Variants in NLRP11 observed in about 807,000 individuals in gnomAD.
The protein encoded by NLRP11 is NLR family pyrin domain containing 11, also known as NACHT, LRR and PYD domains-containing protein 11.
Under a neutral mutation model 79.3 loss-of-function variants are expected in NLRP11, and 53 were observed. The observed-to-expected ratio is 0.67, with a 90% CI of 0.54 to 0.84. NLRP11 has a LOEUF of 0.84. Among genes scored for constraint, NLRP11 ranks in the 40% least tolerant of loss-of-function variants. The pLI is 0.00. For synonymous variants in NLRP11, 518 were observed against 462.6 expected (o/e 1.12, Z -1.54); for missense variants, 1,264 against 1,255.0 (o/e 1.01, Z -0.11).
intron 1 of NLRP11, among the ~76,000 whole-genome samples, chr19:55,827,743 G>A (rs371644103): frequency 6.6e-6 from 1 of 151,612 alleles, no homozygotes; most frequent in Non-Finnish European, 1.5e-5. Context: ...TTAGAATGGT[G>A]ATCATTAAAA....
exon 2 of NLRP11, chr19:55,818,114 T>C: frequency 6.2e-7 from 1 of 1,614,014 alleles, no homozygotes; most frequent in Non-Finnish European, 8.5e-7. Context: ...TGAAATTCCT[T>C]GTCACTGAGA....
chr19:55,806,799 C>T (rs1980040863), intron 4 of NLRP11, among the ~76,000 whole-genome samples: 1 of 152,176 alleles, frequency 6.6e-6, no homozygotes, highest in African/African-American at 2.4e-5. Flanking sequence ...TAATACCCTT[C>T]CTGCCTCACA....
chr19:55,833,046 C>T (rs1982932884), upstream of NLRP11: 1 of 152,038 alleles, frequency 6.6e-6, no homozygotes, highest in African/African-American at 2.4e-5. Context: ...ACATACAAAT[C>T]TGATTGTGTT....
chr19:55,795,970 C>T (rs912083252), intron 6 of NLRP11, 110 bp downstream of exon 6: 45 of 958,242 alleles, frequency 4.7e-5, no homozygotes, highest in African/African-American at 3.4e-4. Context: ...ACTGTGCTTT[C>T]GGCTGCTTTG....
intron 5 of NLRP11, among the ~76,000 whole-genome samples, chr19:55,800,210 C>T (rs894857415): frequency 6.6e-6 from 1 of 152,174 alleles, no homozygotes; most frequent in Non-Finnish European, 1.5e-5. Flanking sequence ...AATATTGAGT[C>T]ACCAGCAAGT....
intron 7 of NLRP11, among the ~76,000 whole-genome samples, chr19:55,789,792 A>C (rs570771700): frequency 1.3e-5 from 2 of 152,322 alleles, no homozygotes; most frequent in East Asian, 3.9e-4. Flanking sequence ...TCATGTCAAA[A>C]TCCAACATCG....
At chr19:55,820,773 C>G (rs2616951) in intron 1 of NLRP11, among the ~76,000 whole-genome samples, 35,675 of 151,854 alleles carry the variant, frequency 0.23, 5,286 homozygotes, top group African/African-American at 0.42. Flanking sequence ...GCTGGACCTA[C>G]AAAGATATTT....
intron 4 of NLRP11, 140 bp from the exon 5 acceptor site, chr19:55,801,879 T>A: frequency 1.4e-6 from 1 of 704,804 alleles, no homozygotes; most frequent in South Asian, 1.8e-5. Context: ...GATCTTAAAT[T>A]TCTAGTCAGG....
At chr19:55,805,705 A>C (rs1309950947) in intron 4 of NLRP11, among the ~76,000 whole-genome samples, 1 of 151,724 alleles carries the variant, frequency 6.6e-6, no homozygotes, top group Non-Finnish European at 1.5e-5. Flanking sequence ...ACACCCGGCT[A>C]ATTTTTGTGT....
chr19:55,785,524 CACACACACACACACAT>C lies in NLRP11; in HGVS notation c.*85_*100del, dbSNP rs1989813398. 30 of 1,047,926 alleles carry C rather than the reference CACACACACACACACAT, an allele frequency of 2.9e-5. No individual in the cohort carries two copies. The African/African-American group carries it at 3.3e-4, about 11-fold the overall frequency. 64.9% of individuals were successfully genotyped at this position (1,047,926 alleles called of 1,614,324 possible). On this transcript the variant is annotated 3_prime_UTR_variant, in exon 10 of 10. Coordinates refer to ENST00000589093, the Ensembl canonical transcript of NLRP11. ...ACACACACACACACACACACACACA[CACACACACACACACAT>C]CAAATAGGAAAATTATAGTCCTAAT...
At chr19:55,802,506 G>T (rs1339304267) in intron 4 of NLRP11, among the ~76,000 whole-genome samples, 1 of 152,114 alleles carries the variant, frequency 6.6e-6, no homozygotes, top group African/African-American at 2.4e-5. Flanking sequence ...TGCTCAAAGA[G>T]ATCAGATGAC....
At chr19:55,835,310 A>C (rs1363233125), upstream of NLRP11, among the ~76,000 whole-genome samples, 2 of 152,248 alleles carry the variant, frequency 1.3e-5, no homozygotes, top group East Asian at 3.8e-4. Flanking sequence ...CTGGAATAGC[A>C]GGAAAACCAT....
intron 2 of NLRP11, 55 bp from the exon 3 acceptor site, chr19:55,810,393 G>C (rs1203551220): frequency 6.7e-7 from 1 of 1,492,730 alleles, no homozygotes; most frequent in Non-Finnish European, 9.0e-7. Context: ...AGTTCAAGAT[G>C]TAAAAACAGT....
chr19:55,805,395 C>T (rs117826639), intron 4 of NLRP11, among the ~76,000 whole-genome samples: 3,784 of 151,796 alleles, frequency 0.025, 60 homozygotes, highest in South Asian at 0.07. Flanking sequence ...GCCTATGTGG[C>T]GACTCGGTGG....
chr19:55,806,113 C>T (rs540791318), intron 4 of NLRP11, among the ~76,000 whole-genome samples: 156 of 152,310 alleles, frequency 1.0e-3, no homozygotes, highest in African/African-American at 3.7e-3. Flanking sequence ...CTAGTTTCTG[C>T]TTTTCTCCCC....
intron 2 of NLRP11, among the ~76,000 whole-genome samples, chr19:55,814,293 C>T (rs991304399): frequency 8.5e-5 from 13 of 152,242 alleles, no homozygotes; most frequent in Middle Eastern, 3.4e-3. Flanking sequence ...GAGCTCAGGG[C>T]TCCCAGTGAT....
chr19:55,820,019 A>G (rs1264056709), intron 1 of NLRP11, among the ~76,000 whole-genome samples: 1 of 152,188 alleles, frequency 6.6e-6, no homozygotes, highest in African/African-American at 2.4e-5. Flanking sequence ...AAAAATGGGC[A>G]TACTGACATG....
At chr19:55,798,663 A>T (rs191535952) in intron 5 of NLRP11, among the ~76,000 whole-genome samples, 4 of 152,328 alleles carry the variant, frequency 2.6e-5, no homozygotes, top group Non-Finnish European at 5.9e-5. Context: ...AGCTAAAAGT[A>T]AACTAAAAAG....
intron 1 of NLRP11, among the ~76,000 whole-genome samples, chr19:55,831,734 G>A (rs1041627943): frequency 6.9e-6 from 1 of 144,268 alleles, no homozygotes; most frequent in Non-Finnish European, 1.5e-5. Context: ...AATTTTATCT[G>A]TCAACTTAAA....
Sources: gnomAD v4.1 joint callset for allele counts (sites outside exome capture counted in the v4.1 genomes callset) on GRCh38, gnomAD v4.1.1 for gene constraint, MANE v1.5 for transcripts, NCBI Gene and HGNC (gene_info 2026-07-23, HGNC 2026-07-21) for gene names.